Variants in PCDHA10 observed in about 807,000 individuals in gnomAD.
PCDHA10 encodes protocadherin alpha-10.
A neutral mutation model predicts 61.2 loss-of-function variants in PCDHA10; 45 were observed. The observed-to-expected ratio is 0.74, with a 90% CI of 0.58 to 0.94. The LOEUF is 0.94. Among genes scored for constraint, PCDHA10 ranks in the 40% least tolerant of loss-of-function variants. PCDHA10 has a pLI of 0.00. For synonymous variants in PCDHA10, 602 were observed against 548.8 expected (o/e 1.10, Z -1.35); for missense variants, 1,278 against 1,236.2 (o/e 1.03, Z -0.51).
At chr5:141,009,604 A>T (rs782247768) in intron 3 of PCDHA10, 23 bp from the exon 4 acceptor site, 2 of 1,608,944 alleles carry the variant, frequency 1.2e-6, no homozygotes, top group East Asian at 4.5e-5. Context: ...CCTGTTAATG[A>T]TTTGTAATGT....
At chr5:141,008,843 G>A (rs1474787733) in intron 3 of PCDHA10, among the ~76,000 whole-genome samples, 7 of 152,114 alleles carry the variant, frequency 4.6e-5, no homozygotes, top group Non-Finnish European at 1.0e-4. Context: ...CTTACGCTGT[G>A]TATTCCCATC....
chr5:140,924,715 C>A (rs1258622619), intron 1 of PCDHA10, among the ~76,000 whole-genome samples: 3 of 151,692 alleles, frequency 2.0e-5, no homozygotes, highest in Non-Finnish European at 4.4e-5. Flanking sequence ...TGCAACATGG[C>A]GAAACCTCAC....
At chr5:140,901,482 G>A (rs1348405650) in intron 1 of PCDHA10, among the ~76,000 whole-genome samples, 8 of 152,010 alleles carry the variant, frequency 5.3e-5, no homozygotes, top group African/African-American at 1.9e-4. Context: ...TATGTTCTTG[G>A]CACCTTCATC....
Position 140,857,571 on chromosome 5 carries a change from C to G in PCDHA10, c.1523C>G (p.Ser508Trp), listed in dbSNP as rs782707848. 16 of 1,596,746 alleles carry G rather than the reference C, an allele frequency of 1.0e-5. 2 individuals are homozygous for G. Among genetic ancestry groups the G allele is most frequent in the East Asian group, 2.2e-5 (1 of 44,820 alleles). ...LGERSLSSYV[S>W]VHAESGKVYA... ...GAGCGCTCGCTGTCGAGCTACGTGT[C>G]GGTGCACGCGGAGAGCGGCAAGGTG... Residue 508 changes from serine (S) to tryptophan (W), a missense_variant, in exon 1 of 4, where the codon TCG becomes TGG. Ser to Trp is a radical substitution (Grantham distance 177, BLOSUM62 -3). Transcript: ENST00000307360.
At chr5:140,868,988 C>T in intron 1 of PCDHA10, 1 of 1,506,234 alleles carries the variant, frequency 6.6e-7, no homozygotes, top group Non-Finnish European at 8.9e-7. Context: ...CCGGATGCCA[C>T]CGTTTAAGGA....
chr5:140,927,340 G>C, intron 1 of PCDHA10: 1 of 1,614,030 alleles, frequency 6.2e-7, no homozygotes, highest in Non-Finnish European at 8.5e-7. Flanking sequence ...GAATGCCCAA[G>C]ATGACGACGA....
chr5:140,870,325 C>T (rs1554164071), intron 1 of PCDHA10: 1 of 1,614,080 alleles, frequency 6.2e-7, no homozygotes, highest in African/African-American at 1.3e-5. Context: ...CTCGTTGGTG[C>T]TGGACAGCGC....
chr5:140,865,396 A>G (rs1280770279), intron 1 of PCDHA10: 1 of 152,234 alleles, frequency 6.6e-6, no homozygotes, highest in Non-Finnish European at 1.5e-5. Context: ...GTTAATATAA[A>G]TGCTGAAAAG....
At chr5:140,876,838 G>C in intron 1 of PCDHA10, 1 of 1,614,140 alleles carries the variant, frequency 6.2e-7, no homozygotes, top group Non-Finnish European at 8.5e-7. Flanking sequence ...GCCTGCGTTC[G>C]CGCAGCCCGA....
At chr5:140,862,874 T>C in intron 1 of PCDHA10, 2 of 568,426 alleles carry the variant, frequency 3.5e-6, no homozygotes, top group Non-Finnish European at 3.4e-6. Flanking sequence ...CTGCCAGGTA[T>C]TAGTGCTGGA....
intron 1 of PCDHA10, chr5:140,863,394 G>A (rs1342756414): frequency 2.2e-6 from 2 of 929,190 alleles, no homozygotes; most frequent in South Asian, 1.3e-5. Context: ...CGTGCATGCC[G>A]GGCAAGCCCA....
intron 1 of PCDHA10, chr5:140,868,729 T>C (rs1467955446): frequency 5.1e-6 from 1 of 195,146 alleles, no homozygotes; most frequent in African/African-American, 2.3e-5. Flanking sequence ...TTGATGTTAA[T>C]CGAGAAATAC....
chr5:140,924,102 T>C (rs1227932285), intron 1 of PCDHA10, among the ~76,000 whole-genome samples: 1 of 152,242 alleles, frequency 6.6e-6, no homozygotes. Context: ...TAAATTTTCA[T>C]TCCAAAGCAG....
chr5:140,869,580 T>C (rs1325973038), intron 1 of PCDHA10: 4 of 1,614,046 alleles, frequency 2.5e-6, no homozygotes, highest in Non-Finnish European at 3.4e-6. Flanking sequence ...GAGCTTCTGA[T>C]GCTGACATTG....
intron 1 of PCDHA10, chr5:140,927,487 C>T: frequency 1.2e-6 from 2 of 1,614,142 alleles, no homozygotes; most frequent in Non-Finnish European, 1.7e-6. Context: ...GCGCGCCACC[C>T]ACCTGCTGGT....
intron 1 of PCDHA10, chr5:140,877,460 C>T: frequency 6.2e-7 from 1 of 1,613,840 alleles, no homozygotes; most frequent in Non-Finnish European, 8.5e-7. Context: ...ACGTCCACGG[C>T]CACGGTGCTG....
chr5:140,896,467 G>A (rs191220082), intron 1 of PCDHA10, among the ~76,000 whole-genome samples: 1,607 of 151,540 alleles, frequency 0.011, 16 homozygotes, highest in African/African-American at 0.028. Context: ...GGTTCAAGCG[G>A]TTCTCCTGCC....
intron 1 of PCDHA10, chr5:140,928,137 C>A (rs537220203): frequency 6.2e-7 from 1 of 1,614,182 alleles, no homozygotes; most frequent in South Asian, 1.1e-5. Flanking sequence ...AAGTCCTGAT[C>A]ACGGCCTCAG....
rs553749529 is a variant in PCDHA10, at chr5:140,931,877, G to C, written c.2389-47072G>C. 3.3e-5 allele frequency among the ~76,000 whole-genome samples: 5 copies of C among 151,886 alleles called. No individual in the cohort carries two copies. The South Asian group carries it at 8.3e-4, about 25-fold the overall frequency. The stretch of plus-strand genomic sequence containing the variant: ...GGATTCTAGAAATAAAATATTTATT[G>C]CTTTCATTTTATTTCAAATCATTTG... On this transcript the variant is annotated intron_variant, in intron 1 of 3. Coordinates refer to ENST00000307360, the MANE Select transcript of PCDHA10 (RefSeq NM_018901.4).
Sources: allele counts gnomAD v4.1 joint callset (sites outside exome capture counted in the v4.1 genomes callset), GRCh38; gene constraint gnomAD v4.1.1; transcripts MANE v1.5; gene names NCBI Gene and HGNC (gene_info 2026-07-23, HGNC 2026-07-21).